PDZD2: variants seen among roughly 807,000 people sequenced by gnomAD.
PDZD2 encodes the protein PDZ domain containing 2.
In PDZD2, 90 loss-of-function variants were observed where a neutral mutation model predicts 220.7. The observed-to-expected ratio is 0.41, with a 90% CI of 0.34 to 0.49. PDZD2 has a LOEUF of 0.49. Among genes scored for constraint, PDZD2 ranks in the 20% least tolerant of loss-of-function variants. PDZD2 has a pLI of 0.28. For missense variants in PDZD2, 3,174 were observed against 3,608.5 expected (o/e 0.88, Z 3.08); for synonymous variants, 1,375 against 1,450.5 (o/e 0.95, Z 1.18).
intron 3 of PDZD2, among the ~76,000 whole-genome samples, chr5:31,991,221 G>A (rs1751184094): frequency 6.6e-6 from 1 of 152,186 alleles, no homozygotes. Flanking sequence ...CCCCTTGGAT[G>A]TTTGATGGAG....
chr5:31,932,689 A>G (rs1745401526), intron 2 of PDZD2, among the ~76,000 whole-genome samples: 1 of 152,202 alleles, frequency 6.6e-6, no homozygotes, highest in Admixed American at 6.6e-5. Flanking sequence ...TTGTGTAACC[A>G]TCACCACTAT....
chr5:31,849,872 A>G (rs146724696), intron 2 of PDZD2, among the ~76,000 whole-genome samples: 5,227 of 47,524 alleles, frequency 0.11, 771 homozygotes, highest in Middle Eastern at 0.17. Context: ...ATATATATAC[A>G]TATATATATA....
intron 7 of PDZD2, among the ~76,000 whole-genome samples, chr5:32,043,266 A>G (rs1737595577): frequency 6.6e-6 from 1 of 152,188 alleles, no homozygotes; most frequent in Non-Finnish European, 1.5e-5. Context: ...ACTGTTTGCC[A>G]CAAATGGATG....
chr5:31,936,653 C>T (rs1745760225), intron 2 of PDZD2, among the ~76,000 whole-genome samples: 1 of 152,032 alleles, frequency 6.6e-6, no homozygotes. Flanking sequence ...AAATGAACTG[C>T]AGACACTGTG....
chr5:31,720,341 C>A (rs1385803781), intron 1 of PDZD2, among the ~76,000 whole-genome samples: 1 of 152,176 alleles, frequency 6.6e-6, no homozygotes, highest in African/African-American at 2.4e-5. Flanking sequence ...GGTATCCATT[C>A]TAAGCTCCCA....
chr5:31,656,017 A>G (rs1024556925), intron 1 of PDZD2, among the ~76,000 whole-genome samples: 3 of 152,210 alleles, frequency 2.0e-5, no homozygotes, highest in African/African-American at 7.2e-5. Flanking sequence ...TCTTCCATTT[A>G]TGAAACCTAG....
chr5:31,811,975 G>A (rs1215281832), intron 2 of PDZD2, among the ~76,000 whole-genome samples: 3 of 150,642 alleles, frequency 2.0e-5, no homozygotes, highest in African/African-American at 4.9e-5. Flanking sequence ...GGGCAAGAGA[G>A]TGAGACTCTG....
intron 2 of PDZD2, chr5:31,936,310 C>G (rs1427638895): frequency 1.0e-6 from 1 of 987,488 alleles, no homozygotes; most frequent in Non-Finnish European, 1.2e-6. Context: ...TGCTGAAGCA[C>G]AGCAGAGCAC....
chr5:31,701,663 A>G (rs1203642682), intron 1 of PDZD2, among the ~76,000 whole-genome samples: 1 of 152,142 alleles, frequency 6.6e-6, no homozygotes, highest in Non-Finnish European at 1.5e-5. Context: ...CACACTGTGC[A>G]TGGGGCGACC....
At chr5:31,830,612 C>A (rs1019412687) in intron 2 of PDZD2, among the ~76,000 whole-genome samples, 3 of 152,130 alleles carry the variant, frequency 2.0e-5, no homozygotes, top group African/African-American at 7.2e-5. Context: ...TCATCACAGC[C>A]ATTTCCCTAT....
At chr5:31,792,159 C>T (rs1448235400) in intron 1 of PDZD2, among the ~76,000 whole-genome samples, 1 of 152,198 alleles carries the variant, frequency 6.6e-6, no homozygotes, top group African/African-American at 2.4e-5. Flanking sequence ...GAGAGCCACA[C>T]GCTTCTGACA....
At chr5:31,923,975 C>T (rs1332719623) in intron 2 of PDZD2, among the ~76,000 whole-genome samples, 1 of 152,144 alleles carries the variant, frequency 6.6e-6, no homozygotes, top group Admixed American at 6.5e-5. Flanking sequence ...CGTTAAGATG[C>T]ACCACACTCA....
rs1332687148 is a variant in PDZD2, at chr5:31,646,607, C to T, written c.-361+7170C>T. Among the ~76,000 whole-genome samples the T allele has an allele frequency of 6.6e-6, 1 of 152,120 alleles. No individual in the cohort carries two copies. The highest frequency in any genetic ancestry group is 1.9e-4 in the East Asian group (1 of 5,190). ...TTTCAGTTGAACACCCCCCACCACC[C>T]GCCCAACACCCTCTTTCTGGCACAG... On this transcript the variant is annotated intron_variant, in intron 1 of 24. Coordinates refer to ENST00000438447, the MANE Select transcript of PDZD2 (RefSeq NM_178140.4). The surrounding 1 kb of genome is among the most constrained non-coding windows in gnomAD (Gnocchi z 4.7).
At chr5:31,761,008 T>C (rs1430723917) in intron 1 of PDZD2, among the ~76,000 whole-genome samples, 1 of 152,012 alleles carries the variant, frequency 6.6e-6, no homozygotes, top group African/African-American at 2.4e-5. Flanking sequence ...AAGTCAACAG[T>C]CAGGCGGAAG....
chr5:32,098,278 C>T lies in PDZD2; in HGVS notation c.7948-86C>T. ...ATAAAAAAGGAAGGTTCCTTTACTA[C>T]AGATACGCAGTTAGTTACTATCTCC... On this transcript the variant is annotated intron_variant, in intron 22 of 24. Coordinates refer to ENST00000438447, the MANE Select transcript of PDZD2 (RefSeq NM_178140.4). The surrounding 1 kb of genome is among the most constrained non-coding windows in gnomAD (Gnocchi z 4.1). The T allele has an allele frequency of 7.7e-7, 1 of 1,305,168 alleles. No homozygotes were observed. 80.8% of individuals were successfully genotyped at this position (1,305,168 alleles called of 1,614,324 possible). A position where few individuals can be genotyped will look rare whatever the true frequency, so the allele number is the denominator to read the frequency against.
intron 2 of PDZD2, among the ~76,000 whole-genome samples, chr5:31,911,240 G>A (rs1016357794): frequency 6.6e-6 from 1 of 152,168 alleles, no homozygotes; most frequent in African/African-American, 2.4e-5. Flanking sequence ...CACTGTACTA[G>A]GCTGTTGACA....
At chr5:31,735,317 G>GTGCTGTCACTGGGTCAC (rs1258828783) in intron 1 of PDZD2, among the ~76,000 whole-genome samples, 4 of 152,166 alleles carry the variant, frequency 2.6e-5, no homozygotes, top group Non-Finnish European at 2.9e-5. Context: ...GGGGCACTTC[G>GTGCTGTCACTGGGTCAC]TGCTGTCACT....
chr5:31,740,098 G>C (rs892744407), intron 1 of PDZD2, among the ~76,000 whole-genome samples: 2 of 152,030 alleles, frequency 1.3e-5, no homozygotes, highest in Admixed American at 6.6e-5. Flanking sequence ...TCCACCTCTC[G>C]GTAGCCATTG....
At chr5:31,908,834 C>G (rs1379232840) in intron 2 of PDZD2, 1 of 567,718 alleles carries the variant, frequency 1.8e-6, no homozygotes, top group Non-Finnish European at 3.2e-6. Flanking sequence ...CACTTGAGCT[C>G]AGGAGTTTGA....
Sources: allele counts gnomAD v4.1 joint callset (sites outside exome capture counted in the v4.1 genomes callset), GRCh38; gene constraint gnomAD v4.1.1; non-coding constraint Gnocchi (gnomAD v3.1); transcripts MANE v1.5; gene names NCBI Gene and HGNC (gene_info 2026-07-23, HGNC 2026-07-21).